Variants in CSMD1 observed in about 807,000 individuals in gnomAD.
CSMD1 encodes the protein CUB and sushi domain-containing protein 1.
A neutral mutation model predicts 417.5 loss-of-function variants in CSMD1; 213 were observed. The ratio of observed to expected loss-of-function variants is 0.51; its 90% CI spans 0.46 to 0.57. CSMD1 has a LOEUF of 0.57. Among genes scored for constraint, CSMD1 ranks in the 20% least tolerant of loss-of-function variants. The pLI, the probability that CSMD1 is intolerant of heterozygous loss-of-function variation, is 0.00. For synonymous variants in CSMD1, 2,862 were observed against 1,736.8 expected (o/e 1.65, Z -16.11); for missense variants, 6,923 against 4,529.7 (o/e 1.53, Z -15.17).
intron 5 of CSMD1, among the ~76,000 whole-genome samples, chr8:3,792,964 G>C (rs1000553896): frequency 2.0e-5 from 3 of 152,114 alleles, no homozygotes; most frequent in African/African-American, 7.2e-5. Flanking sequence ...CACTGTGAAG[G>C]ATCACCGTCT....
At chr8:4,924,989 A>G (rs1270478212) in intron 1 of CSMD1, among the ~76,000 whole-genome samples, 2 of 152,102 alleles carry the variant, frequency 1.3e-5, no homozygotes, top group Non-Finnish European at 2.9e-5. Flanking sequence ...TCTACATTGC[A>G]TAAATACCTC....
At chr8:4,747,797 C>T (rs11136765) in intron 1 of CSMD1, among the ~76,000 whole-genome samples, 47,153 of 152,036 alleles carry the variant, frequency 0.31, 8,246 homozygotes, top group Admixed American at 0.45. Flanking sequence ...AAAAAAACAT[C>T]GAAACCCAGC....
chr8:4,208,048 G>T (rs56349642), intron 3 of CSMD1, among the ~76,000 whole-genome samples: 2,828 of 152,172 alleles, frequency 0.019, 118 homozygotes, highest in African/African-American at 0.064. Context: ...ATATATGAGG[G>T]TAATTCACTT....
At chr8:4,034,144 A>C (rs1797498091) in intron 3 of CSMD1, among the ~76,000 whole-genome samples, 1 of 152,216 alleles carries the variant, frequency 6.6e-6, no homozygotes, top group South Asian at 2.1e-4. Flanking sequence ...TAGTTTTTAA[A>C]CTGAGTAACA....
At chr8:4,856,063 C>A (rs1360221096) in intron 1 of CSMD1, among the ~76,000 whole-genome samples, 2 of 152,198 alleles carry the variant, frequency 1.3e-5, no homozygotes, top group Admixed American at 6.5e-5. Flanking sequence ...AACAGCGGAT[C>A]TCTCGACAGA....
chr8:3,394,082 T>A (rs1344481581), intron 17 of CSMD1, among the ~76,000 whole-genome samples: 3 of 135,156 alleles, frequency 2.2e-5, no homozygotes, highest in Non-Finnish European at 4.8e-5. Flanking sequence ...GGCAAAGAGC[T>A]TTACTCTCTG....
intron 26 of CSMD1, among the ~76,000 whole-genome samples, chr8:3,258,328 A>G (rs1232351905): frequency 6.6e-6 from 1 of 152,252 alleles, no homozygotes; most frequent in East Asian, 1.9e-4. Flanking sequence ...CATGTTGCCA[A>G]CAATCGTGGA....
chr8:4,856,529 T>C (rs1307196111), intron 1 of CSMD1, among the ~76,000 whole-genome samples: 1 of 139,292 alleles, frequency 7.2e-6, no homozygotes, highest in African/African-American at 3.0e-5. Flanking sequence ...CCATCTCACG[T>C]GCAGAGACAC....
At chr8:3,465,869 G>C (rs757478695) in intron 12 of CSMD1, among the ~76,000 whole-genome samples, 2 of 152,132 alleles carry the variant, frequency 1.3e-5, no homozygotes, top group Admixed American at 6.5e-5. Context: ...CCAGGTATGA[G>C]AGGGCACACA....
chr8:3,072,947 T>C (rs1235637953), intron 49 of CSMD1, among the ~76,000 whole-genome samples: 1 of 152,120 alleles, frequency 6.6e-6, no homozygotes, highest in Non-Finnish European at 1.5e-5. Flanking sequence ...ATAGACAAAA[T>C]TGGCTTGGAA....
chr8:3,558,816 C>T (rs1196407570), intron 10 of CSMD1, among the ~76,000 whole-genome samples: 6 of 150,790 alleles, frequency 4.0e-5, no homozygotes, highest in African/African-American at 7.3e-5. Flanking sequence ...AATAGCACCT[C>T]GTGTCCACTC....
At chr8:4,306,116 G>A (rs1443400573) in intron 3 of CSMD1, among the ~76,000 whole-genome samples, 1 of 152,194 alleles carries the variant, frequency 6.6e-6, no homozygotes, top group African/African-American at 2.4e-5. Flanking sequence ...TTTTTAAATA[G>A]TTGGTAATGA....
intron 3 of CSMD1, among the ~76,000 whole-genome samples, chr8:4,082,269 A>C (rs1482623778): frequency 6.6e-6 from 1 of 152,186 alleles, no homozygotes; most frequent in East Asian, 1.9e-4. Context: ...TATTAAAACT[A>C]ACACAAGGTA....
intron 3 of CSMD1, among the ~76,000 whole-genome samples, chr8:4,299,749 G>C (rs1797879656): frequency 6.6e-6 from 1 of 152,004 alleles, no homozygotes; most frequent in Non-Finnish European, 1.5e-5. Context: ...TCATGCCTCA[G>C]CCTCCCGAGT....
At chr8:3,716,156 C>A (rs1180171088) in intron 6 of CSMD1, among the ~76,000 whole-genome samples, 2 of 152,178 alleles carry the variant, frequency 1.3e-5, no homozygotes, top group Non-Finnish European at 2.9e-5. Flanking sequence ...AATTCACTGG[C>A]CGCTCCTTGT....
intron 57 of CSMD1, among the ~76,000 whole-genome samples, chr8:2,971,601 T>C (rs115878763): frequency 1.5e-3 from 235 of 152,288 alleles, no homozygotes; most frequent in African/African-American, 5.3e-3. Flanking sequence ...GTTTATCCCA[T>C]AGGATTGCTT....
chr8:4,866,748 C>A lies in CSMD1; in HGVS notation c.85+127584G>T, dbSNP rs777925799. On this transcript the variant is annotated intron_variant, in intron 1 of 69. Coordinates refer to ENST00000635120, the MANE Select transcript of CSMD1 (RefSeq NM_033225.6). ...ATTTTCAACCTCGATCGTTCAAACT[C>A]ATTTTTTAAAATTATTATAAACACA... 2.6e-4 allele frequency among the ~76,000 whole-genome samples: 39 copies of A among 151,932 alleles called. 1 individual carries two copies. Among genetic ancestry groups the A allele is most frequent in the Non-Finnish European group, 7.4e-5 (5 of 67,946 alleles).
At chr8:4,705,828 G>A (rs1000291072) in intron 1 of CSMD1, among the ~76,000 whole-genome samples, 2 of 152,020 alleles carry the variant, frequency 1.3e-5, no homozygotes, top group African/African-American at 4.8e-5. Flanking sequence ...TATTCTATGA[G>A]CCAGCTGCAT....
At chr8:4,012,811 A>G (rs1796336739) in intron 4 of CSMD1, among the ~76,000 whole-genome samples, 1 of 152,086 alleles carries the variant, frequency 6.6e-6, no homozygotes, top group East Asian at 1.9e-4. Context: ...AATAAACGGT[A>G]ACTCCATTCT....
Sources: gnomAD v4.1 joint callset for allele counts (sites outside exome capture counted in the v4.1 genomes callset) on GRCh38, gnomAD v4.1.1 for gene constraint, MANE v1.5 for transcripts, NCBI Gene and HGNC (gene_info 2026-07-23, HGNC 2026-07-21) for gene names.